CACNA1D: variants seen among roughly 807,000 people sequenced by gnomAD.
The protein encoded by CACNA1D is calcium voltage-gated channel subunit alpha1 D.
CACNA1D carries 55 observed loss-of-function variants against 257.1 expected under a neutral mutation model. The observed-to-expected ratio is 0.21, with a 90% CI of 0.17 to 0.27. CACNA1D has a LOEUF of 0.27. CACNA1D is among the 10% of genes least tolerant of loss of function. The pLI is 1.00. For missense variants in CACNA1D, 1,876 were observed against 2,784.0 expected (o/e 0.67, Z 7.34); for synonymous variants, 980 against 1,014.9 (o/e 0.97, Z 0.65).
intron 8 of CACNA1D, among the ~76,000 whole-genome samples, chr3:53,688,609 A>G (rs2094493677): frequency 6.6e-6 from 1 of 152,150 alleles, no homozygotes; most frequent in African/African-American, 2.4e-5. Flanking sequence ...TGGAAAAGTC[A>G]TCTCATTTGC....
At chr3:53,614,942 T>G (rs183518872) in intron 3 of CACNA1D, among the ~76,000 whole-genome samples, 188 of 152,352 alleles carry the variant, frequency 1.2e-3, no homozygotes, top group East Asian at 2.5e-3. Context: ...TAAATTGTAC[T>G]TCAGTAAGTT....
intron 3 of CACNA1D, among the ~76,000 whole-genome samples, chr3:53,556,119 C>A (rs530708285): frequency 6.6e-6 from 1 of 152,086 alleles, no homozygotes; most frequent in Non-Finnish European, 1.5e-5. Flanking sequence ...GTGGAGAAAT[C>A]GTTCTTTTTT....
At chr3:53,506,748 A>G (rs1487149930) in intron 3 of CACNA1D, among the ~76,000 whole-genome samples, 2 of 152,220 alleles carry the variant, frequency 1.3e-5, no homozygotes, top group South Asian at 2.1e-4. Flanking sequence ...TCAGGAGTAT[A>G]TCTTTCTTTC....
intron 18 of CACNA1D, 142 bp downstream of exon 18, chr3:53,732,224 C>T: frequency 1.4e-6 from 1 of 719,290 alleles, no homozygotes. Flanking sequence ...GACCAGTTAG[C>T]TCGCCTTTTT....
intron 39 of CACNA1D, 93 bp from the exon 40 acceptor site, chr3:53,786,729 C>CT: frequency 1.3e-5 from 6 of 478,706 alleles, no homozygotes; most frequent in South Asian, 3.3e-5. Context: ...CCGCCCCACT[C>CT]TGCCCCTGCC....
At chr3:53,601,503 TTC>T (rs1445669565) in intron 3 of CACNA1D, among the ~76,000 whole-genome samples, 1 of 152,174 alleles carries the variant, frequency 6.6e-6, no homozygotes, top group Non-Finnish European at 1.5e-5. Flanking sequence ...ATTCCTGGGA[TTC>T]TAAAATTAGC....
intron 9 of CACNA1D, chr3:53,710,312 G>C (rs1049256561): frequency 4.5e-6 from 2 of 439,714 alleles, no homozygotes; most frequent in Non-Finnish European, 9.3e-6. Context: ...TGGCTGGCAG[G>C]GCTGGCCGCG....
chr3:53,531,476 C>T (rs1202058973), intron 3 of CACNA1D, among the ~76,000 whole-genome samples: 1 of 152,152 alleles, frequency 6.6e-6, no homozygotes, highest in African/African-American at 2.4e-5. Context: ...GAAGTGTTTG[C>T]AACAACCAGA....
chr3:53,564,456 C>T (rs1166359533), intron 3 of CACNA1D, among the ~76,000 whole-genome samples: 2 of 152,156 alleles, frequency 1.3e-5, no homozygotes, highest in East Asian at 3.8e-4. Context: ...CTTTTGAATA[C>T]TCATTTATTA....
Position 53,717,190 on chromosome 3 carries a change from G to A in CACNA1D, c.1391-1111G>A, listed in dbSNP as rs184541906. Reference sequence around the variant, plus strand: ...ATGCCTCAGGAAAAAGGAAGTACACGTGGATTCTCTTCCGTGACTTCCTCT... The same window carrying A: ...ATGCCTCAGGAAAAAGGAAGTACACATGGATTCTCTTCCGTGACTTCCTCT... On this transcript the variant is annotated intron_variant, in intron 9 of 47. Transcript: ENST00000350061. Among the ~76,000 whole-genome samples, 438 of 152,300 alleles carry A rather than the reference G, an allele frequency of 2.9e-3. 10 individuals are homozygous for A. The highest frequency in any genetic ancestry group is 2.6e-3 in the Non-Finnish European group (180 of 68,030).
At chr3:53,501,784 C>T in intron 3 of CACNA1D, 64 bp downstream of exon 3, 1 of 909,998 alleles carries the variant, frequency 1.1e-6, no homozygotes, top group South Asian at 1.3e-5. Context: ...TATACTTAAA[C>T]TGGCAGCTGG....
intron 25 of CACNA1D, among the ~76,000 whole-genome samples, chr3:53,746,427 C>G (rs1034958534): frequency 3.3e-5 from 5 of 152,170 alleles, no homozygotes; most frequent in African/African-American, 1.2e-4. Flanking sequence ...GGGAGATATT[C>G]ATGCCTCCCA....
chr3:53,509,919 T>A (rs1264337776), intron 3 of CACNA1D, among the ~76,000 whole-genome samples: 2 of 152,250 alleles, frequency 1.3e-5, no homozygotes, highest in Non-Finnish European at 2.9e-5. Context: ...TGAGGCAGCT[T>A]TATTCAACAA....
chr3:53,655,358 G>A (rs1416308799), intron 4 of CACNA1D, among the ~76,000 whole-genome samples: 1 of 152,156 alleles, frequency 6.6e-6, no homozygotes, highest in Admixed American at 6.5e-5. Context: ...GGGTCAAGTG[G>A]TAGTTCTGTT....
intron 8 of CACNA1D, among the ~76,000 whole-genome samples, chr3:53,678,723 G>A (rs942263160): frequency 1.3e-5 from 2 of 151,964 alleles, no homozygotes; most frequent in Non-Finnish European, 2.9e-5. Context: ...ATGTGAAGAG[G>A]GAAGGTGGTG....
intron 3 of CACNA1D, among the ~76,000 whole-genome samples, chr3:53,548,960 A>G (rs2092472256): frequency 6.6e-6 from 1 of 152,202 alleles, no homozygotes; most frequent in African/African-American, 2.4e-5. Context: ...TACTTGTTAG[A>G]TATCATTAGT....
At chr3:53,757,677 G>T (rs765973731) in intron 29 of CACNA1D, among the ~76,000 whole-genome samples, 1 of 152,140 alleles carries the variant, frequency 6.6e-6, no homozygotes, top group Non-Finnish European at 1.5e-5. Flanking sequence ...GTATATTTCT[G>T]CCTCATTTCC....
chr3:53,543,845 G>A (rs760304571), intron 3 of CACNA1D, among the ~76,000 whole-genome samples: 14 of 152,108 alleles, frequency 9.2e-5, no homozygotes, highest in Non-Finnish European at 1.8e-4. Context: ...TCTTGTTGGG[G>A]GAGAGGGGCA....
At chr3:53,607,296 G>A (rs1455554874) in intron 3 of CACNA1D, among the ~76,000 whole-genome samples, 1 of 152,200 alleles carries the variant, frequency 6.6e-6, no homozygotes, top group African/African-American at 2.4e-5. Flanking sequence ...AGGGCAAAAG[G>A]GACTGACTGT....
Sources: gnomAD v4.1 joint callset for allele counts (sites outside exome capture counted in the v4.1 genomes callset) on GRCh38, gnomAD v4.1.1 for gene constraint, MANE v1.5 for transcripts, NCBI Gene and HGNC (gene_info 2026-07-23, HGNC 2026-07-21) for gene names.